Variants in SEC24D observed in about 807,000 individuals in gnomAD.
The protein encoded by SEC24D is protein transport protein Sec24D.
In SEC24D, 69 loss-of-function variants were observed where a neutral mutation model predicts 116.9. The observed-to-expected ratio is 0.59, with a 90% CI of 0.49 to 0.72. The LOEUF (loss-of-function observed/expected upper bound fraction) is 0.72, where lower values mean the gene tolerates loss of function less well. SEC24D is among the 30% of genes least tolerant of loss of function. The pLI, the probability that SEC24D is intolerant of heterozygous loss-of-function variation, is 0.00. For synonymous variants in SEC24D, 405 were observed against 442.8 expected (o/e 0.91, Z 1.07); for missense variants, 1,131 against 1,264.1 (o/e 0.89, Z 1.60).
chr4:118,756,079 A>G (rs1727078468), intron 11 of SEC24D, among the ~76,000 whole-genome samples: 1 of 151,724 alleles, frequency 6.6e-6, no homozygotes, highest in African/African-American at 2.4e-5. Context: ...ACTGTCTAGG[A>G]TAATAGATTA....
intron 8 of SEC24D, among the ~76,000 whole-genome samples, chr4:118,784,433 A>G (rs1728571130): frequency 6.6e-6 from 1 of 152,190 alleles, no homozygotes; most frequent in Non-Finnish European, 1.5e-5. Flanking sequence ...TTTTCAAACT[A>G]TAGAGGACAA....
At position 118,762,224 on chromosome 4, in the gene SEC24D, T is replaced by C. The variant is rs186265539; in HGVS notation, c.1296+2578A>G. Among the ~76,000 whole-genome samples the C allele has an allele frequency of 1.4e-4, 21 of 152,310 alleles. No individual in the cohort carries two copies. In the East Asian group the frequency reaches 4.0e-3, roughly 29 times the overall value. On this transcript the variant is annotated intron_variant, in intron 10 of 22. Transcript: ENST00000280551. Reference sequence around the variant, plus strand: ...TATATGGCAAAGCTGAGGCCTTTTTTTTTCTGAGGGAACTCCAGGATGATT... The same window carrying C: ...TATATGGCAAAGCTGAGGCCTTTTTCTTTCTGAGGGAACTCCAGGATGATT...
At chr4:118,816,950 A>G (rs1730177179) in intron 4 of SEC24D, 2 of 300,382 alleles carry the variant, frequency 6.7e-6, no homozygotes, top group Non-Finnish European at 1.3e-5. Context: ...ATCCTTATTT[A>G]TTTCTTAAAA....
At chr4:118,816,235 A>C (rs1213452163) in intron 4 of SEC24D, among the ~76,000 whole-genome samples, 3 of 151,856 alleles carry the variant, frequency 2.0e-5, no homozygotes, top group African/African-American at 4.8e-5. Flanking sequence ...GGCCTGGAAA[A>C]TTTTTAAAAG....
At position 118,744,212 on chromosome 4, in the gene SEC24D, G is replaced by A. The variant is rs908639335; in HGVS notation, c.1825-54C>T. 2.1e-6 allele frequency: 3 copies of A among 1,404,684 alleles called. No homozygotes were observed. In the Admixed American group the frequency reaches 8.3e-5, roughly 39 times the overall value. The allele number at this position is 1,404,684 out of a possible 1,614,324, so 87.0% of individuals were successfully genotyped here. A position where few individuals can be genotyped will look rare whatever the true frequency, so the allele number is the denominator to read the frequency against. On this transcript the variant is annotated intron_variant, in intron 14 of 22. Coordinates refer to ENST00000280551, the MANE Select transcript of SEC24D (RefSeq NM_014822.4). ...AAATAAAAATTACAAAATGTTTTTGGTTTAAATTTTAAATTTCTATTGAAT... is the reference window on the plus strand; with the variant it reads ...AAATAAAAATTACAAAATGTTTTTGATTTAAATTTTAAATTTCTATTGAAT...
chr4:118,772,915 C>T (rs984962482), intron 8 of SEC24D, among the ~76,000 whole-genome samples: 1 of 152,036 alleles, frequency 6.6e-6, no homozygotes, highest in African/African-American at 2.4e-5. Flanking sequence ...ATGTCATACC[C>T]ACCCACACTC....
At chr4:118,783,070 G>C (rs573991756) in intron 8 of SEC24D, among the ~76,000 whole-genome samples, 1 of 152,164 alleles carries the variant, frequency 6.6e-6, no homozygotes, top group Admixed American at 6.5e-5. Flanking sequence ...CGGGTGAGGC[G>C]ACGCCCCGCC....
At chr4:118,777,169 GGTTT>G (rs1312023106) in intron 8 of SEC24D, among the ~76,000 whole-genome samples, 4 of 151,852 alleles carry the variant, frequency 2.6e-5, no homozygotes, top group African/African-American at 9.7e-5. Context: ...ACAACGTGCA[GGTTT>G]GTTACATAGG....
chr4:118,725,452 C>T (rs1725360989), intron 22 of SEC24D, among the ~76,000 whole-genome samples: 1 of 152,178 alleles, frequency 6.6e-6, no homozygotes, highest in African/African-American at 2.4e-5. Context: ...CAGTGTGGGT[C>T]TAGCCTCTGA....
chr4:118,767,207 A>G (rs1382016948), intron 9 of SEC24D, among the ~76,000 whole-genome samples: 2 of 152,190 alleles, frequency 1.3e-5, no homozygotes, highest in African/African-American at 4.8e-5. Flanking sequence ...TGTGTGCGAG[A>G]TAAGGTGGCA....
intron 20 of SEC24D, 77 bp downstream of exon 20, chr4:118,732,656 A>C: frequency 7.5e-7 from 1 of 1,335,176 alleles, no homozygotes; most frequent in Non-Finnish European, 1.0e-6. Context: ...CATATTTCAG[A>C]TATAACATAC....
intron 8 of SEC24D, among the ~76,000 whole-genome samples, chr4:118,771,844 G>A (rs149935054): frequency 1.5e-3 from 222 of 152,166 alleles, no homozygotes; most frequent in African/African-American, 5.0e-3. Context: ...TTGTACCACA[G>A]GTACCTTTGA....
At chr4:118,765,083 C>A (rs1727578541) in intron 9 of SEC24D, among the ~76,000 whole-genome samples, 166 bp from the exon 10 acceptor site, 1 of 152,052 alleles carries the variant, frequency 6.6e-6, no homozygotes. Context: ...AAAAACATGT[C>A]TTGGAAAAGA....
At chr4:118,835,125 G>A (rs116514715) in intron 1 of SEC24D, among the ~76,000 whole-genome samples, 1 of 152,110 alleles carries the variant, frequency 6.6e-6, no homozygotes, top group Non-Finnish European at 1.5e-5. Context: ...CAGCCTGAGC[G>A]CTGGTCAAGC....
chr4:118,764,472 CT>C (rs1727540222), intron 10 of SEC24D: 1 of 167,602 alleles, frequency 6.0e-6, no homozygotes, highest in African/African-American at 2.4e-5. Flanking sequence ...TTCTGAGACT[CT>C]TTACAAAATA....
chr4:118,728,909 G>C (rs754511580), intron 21 of SEC24D: 263 of 356,036 alleles, frequency 7.4e-4, no homozygotes, highest in Non-Finnish European at 1.0e-3. Context: ...TCACTGAAAT[G>C]ATACAGCACA....
At chr4:118,810,178 G>C (rs1436761709) in intron 6 of SEC24D, among the ~76,000 whole-genome samples, 2 of 147,254 alleles carry the variant, frequency 1.4e-5, no homozygotes, top group East Asian at 4.1e-4. Flanking sequence ...ATAATGTAGG[G>C]TCCTGCAGAC....
chr4:118,790,635 A>ACATAGATATAT (rs1022817208), intron 8 of SEC24D, among the ~76,000 whole-genome samples: 1 of 152,030 alleles, frequency 6.6e-6, no homozygotes, highest in African/African-American at 2.4e-5. Context: ...AACAGTGACA[A>ACATAGATATAT]CATAGATATA....
At chr4:118,755,570 C>A (rs1727053604) in intron 11 of SEC24D, among the ~76,000 whole-genome samples, 1 of 151,396 alleles carries the variant, frequency 6.6e-6, no homozygotes, top group Non-Finnish European at 1.5e-5. Flanking sequence ...AGTCTGGCGA[C>A]CTTGAGAGGC....
Sources: allele counts gnomAD v4.1 joint callset (sites outside exome capture counted in the v4.1 genomes callset), GRCh38; gene constraint gnomAD v4.1.1; transcripts MANE v1.5; gene names NCBI Gene and HGNC (gene_info 2026-07-23, HGNC 2026-07-21).